FBRS: variants seen among roughly 807,000 people sequenced by gnomAD.
The protein encoded by FBRS is probable fibrosin-1.
In FBRS, 15 loss-of-function variants were observed where a neutral mutation model predicts 86.1. The ratio of observed to expected loss-of-function variants is 0.17; its 90% CI spans 0.12 to 0.27. The LOEUF (loss-of-function observed/expected upper bound fraction) is 0.27, where lower values mean the gene tolerates loss of function less well. Ranked by LOEUF, FBRS falls within the 10% of genes least tolerant of loss-of-function variation. FBRS has a pLI of 1.00. For synonymous variants in FBRS, 666 were observed against 575.8 expected (o/e 1.16, Z -2.24); for missense variants, 1,367 against 1,301.6 (o/e 1.05, Z -0.77).
intron 6 of FBRS, 63 bp from the exon 7 acceptor site, chr16:30,664,152 A>AC: frequency 8.0e-7 from 1 of 1,246,496 alleles, no homozygotes. Context: ...CAGGCTTCTG[A>AC]CCCCCTCCCG....
At position 30,659,842 on chromosome 16, in the gene FBRS, A is replaced by AGAGGAG. The variant is rs746156246; in HGVS notation, c.341_346dup (p.Glu114_Glu115dup). On this transcript the variant is annotated inframe_insertion, in exon 1 of 18. Transcript: ENST00000356166. ...CCGGCTCGGGCAGCCGCGGGGAGGA[A>AGAGGAG]GAGGAGGAGGAGGAGGAGGAGGGGG... is the stretch of plus-strand genomic sequence containing the variant. 30 of 1,517,902 alleles carry AGAGGAG rather than the reference A, an allele frequency of 2.0e-5. No homozygotes were observed. Among genetic ancestry groups the AGAGGAG allele is most frequent in the African/African-American group, 5.6e-5 (4 of 71,960 alleles). The allele number at this position is 1,517,902 out of a possible 1,614,324, so 94.0% of individuals were successfully genotyped here. A position where few individuals can be genotyped will look rare whatever the true frequency, so the allele number is the denominator to read the frequency against.
chr16:30,659,741 C>A lies in FBRS; in HGVS notation c.223C>A (p.Arg75=). The change falls in exon 1 of 18, where the codon CGG becomes AGG. Residue 75 remains arginine (R), a synonymous_variant. Coordinates refer to ENST00000356166, the MANE Select transcript of FBRS (RefSeq NM_001105079.3). ...RPWSSASSGE[R]PGGPRRRRPR... is the part of the protein sequence containing the mutation. Reference sequence around the variant, plus strand: ...TTGGTCGTCAGCTTCGTCTGGAGAGCGGCCTGGGGGCCCGAGACGCCGGCG... The same window carrying A: ...TTGGTCGTCAGCTTCGTCTGGAGAGAGGCCTGGGGGCCCGAGACGCCGGCG... 1 of 1,312,916 alleles carries A rather than the reference C, an allele frequency of 7.6e-7. No individual in the cohort carries two copies. Among genetic ancestry groups the A allele is most frequent in the Admixed American group, 2.4e-5 (1 of 40,908 alleles). 81.3% of individuals were successfully genotyped at this position (1,312,916 alleles called of 1,614,324 possible).
Position 30,664,767 on chromosome 16 carries a change from T to A in FBRS, c.1410T>A (p.Gly470=). 1 of 1,551,818 alleles carries A rather than the reference T, an allele frequency of 6.4e-7. No individual in the cohort carries two copies. The highest frequency in any genetic ancestry group is 8.7e-7 in the Non-Finnish European group (1 of 1,147,116). ...DLNSRYLNAQ[G]GPEVVGAGGS... is the part of the protein sequence containing the mutation. ...ACTCTCGCTACCTGAATGCCCAGGG[T>A]GGCCCTGAGGTGGTGGGGGCAGGGG... The change falls in exon 8 of 18, where the codon GGT becomes GGA. Residue 470 remains glycine (G), a synonymous_variant. Transcript: ENST00000356166.
chr16:30,667,408 C>A lies in FBRS; in HGVS notation c.1964C>A (p.Ser655Tyr). 6.5e-7 allele frequency: 1 copy of A among 1,549,604 alleles called. No homozygotes were observed. The highest frequency in any genetic ancestry group is 8.7e-7 in the Non-Finnish European group (1 of 1,145,708). The part of the protein sequence containing the change: ...YGALPPGQEL[S>Y]HPASLFTATG... ...GCCCTGCCCCCTGGGCAGGAGCTCT[C>A]CCACCCGGCCTCCCTCTTCACTGCG... The change falls in exon 14 of 18, where the codon TCC becomes TAC. Residue 655 changes from serine to tyrosine, a missense_variant. Coordinates refer to ENST00000356166, the MANE Select transcript of FBRS (RefSeq NM_001105079.3).
At position 30,659,820 on chromosome 16, in the gene FBRS, G is replaced by C. The variant is rs776450763; in HGVS notation, c.302G>C (p.Gly101Ala). The C allele has an allele frequency of 1.4e-5, 21 of 1,520,356 alleles. No homozygotes were observed. In the South Asian group the frequency reaches 2.0e-4, roughly 15 times the overall value. The allele number at this position is 1,520,356 out of a possible 1,614,324, so 94.2% of individuals were successfully genotyped here. ...CCCCGAGCTCGGAAGCGGCCTGCCG[G>C]CTCGGGCAGCCGCGGGGAGGAAGAG... is the stretch of plus-strand genomic sequence containing the variant. ...PRPRARKRPA[G>A]SGSRGEEEEE... is the part of the protein sequence containing the mutation. The change falls in exon 1 of 18, where the codon GGC (glycine) becomes GCC (alanine). Residue 101 changes from glycine (G) to alanine (A), a missense_variant. Physicochemically the swap from Gly to Ala is moderately conservative, Grantham distance 60. This residue lies in a region of FBRS where 702 missense variants were observed against 598.7 expected (regional missense o/e 1.17). Coordinates refer to ENST00000356166, the MANE Select transcript of FBRS (RefSeq NM_001105079.3).
At position 30,660,398 on chromosome 16, in the gene FBRS, G is replaced by T; in HGVS notation, c.595G>T (p.Gly199Trp). Residue 199 changes from glycine to tryptophan, a missense_variant, in exon 2 of 18, where the codon GGG (glycine) becomes TGG (tryptophan). This residue lies in a region of FBRS where 702 missense variants were observed against 598.7 expected (regional missense o/e 1.17). Transcript: ENST00000356166. ...SSDREPGRPP[G>W]DRARKWPNKR... ...TGATCGAGAGCCTGGCCGGCCCCCT[G>T]GGGATCGGGCCCGAAAATGGCCCAA... 7.9e-7 allele frequency: 1 copy of T among 1,261,714 alleles called. No individual in the cohort carries two copies. Among genetic ancestry groups the T allele is most frequent in the Non-Finnish European group, 1.0e-6 (1 of 994,182 alleles). 78.2% of individuals were successfully genotyped at this position (1,261,714 alleles called of 1,614,324 possible). A position where few individuals can be genotyped will look rare whatever the true frequency, so the allele number is the denominator to read the frequency against.
At position 30,669,993 on chromosome 16, in the gene FBRS, G is replaced by A; in HGVS notation, c.*348G>A. ...TCCCCAAGGGCTCACTAAGCCAGAG[G>A]CCAAAGTGCCCCCTCCCGTTCACCT... On this transcript the variant is annotated 3_prime_UTR_variant, in exon 18 of 18. Transcript: ENST00000356166. This position sits in a 1 kb window ranked among gnomAD's most constrained non-coding sequence, Gnocchi z 5.9. 7.7e-6 allele frequency: 4 copies of A among 518,892 alleles called. No homozygotes were observed. Among genetic ancestry groups the A allele is most frequent in the South Asian group, 6.8e-5 (4 of 58,470 alleles). 32.1% of individuals were successfully genotyped at this position (518,892 alleles called of 1,614,324 possible). A position where few individuals can be genotyped will look rare whatever the true frequency, so the allele number is the denominator to read the frequency against.
chr16:30,665,324 C>A lies in FBRS; in HGVS notation c.1627C>A (p.Pro543Thr), dbSNP rs1185949022. The change falls in exon 10 of 18, where the codon CCC becomes ACC. Residue 543 changes from proline to threonine, a missense_variant. This residue lies in a region of FBRS where 659 missense variants were observed against 678.8 expected (regional missense o/e 0.97). Coordinates refer to ENST00000356166, the MANE Select transcript of FBRS (RefSeq NM_001105079.3). This position sits in a 1 kb window ranked among gnomAD's most constrained non-coding sequence, Gnocchi z 4.1. The stretch of plus-strand genomic sequence containing the variant: ...TCCACAGCCGTACACGGCCTTCCCT[C>A]CCGCAGTGCCCGGGCTGCCTCCGGG... ...FRHNPYTAFPPAVPGLPPGLP... is the reference protein window; with the variant it reads ...FRHNPYTAFPTAVPGLPPGLP... The A allele has an allele frequency of 6.4e-7, 1 of 1,564,262 alleles. No homozygotes were observed. The highest frequency in any genetic ancestry group is 1.9e-5 in the Admixed American group (1 of 52,244).
At chr16:30,664,132 C>T (rs948931523) in intron 6 of FBRS, 83 bp from the exon 7 acceptor site, 12 of 1,287,038 alleles carry the variant, frequency 9.3e-6, no homozygotes, top group East Asian at 6.1e-5. Flanking sequence ...ACCAGGGTCA[C>T]GGTATCACCC....
chr16:30,664,705 C>T lies in FBRS; in HGVS notation c.1358-10C>T. On this transcript the variant is annotated splice_polypyrimidine_tract_variant and intron_variant, in intron 7 of 17. Transcript: ENST00000356166. Reference sequence around the variant, plus strand: ...ACAGCATTAAAGCCTTCTCCCGTCCCCTCCCACAGAGCAGGACCTGATCGG... The same window carrying T: ...ACAGCATTAAAGCCTTCTCCCGTCCTCTCCCACAGAGCAGGACCTGATCGG... 3.3e-6 allele frequency: 5 copies of T among 1,510,750 alleles called. No homozygotes were observed. The highest frequency in any genetic ancestry group is 2.5e-5 in the South Asian group (2 of 78,934). The allele number at this position is 1,510,750 out of a possible 1,614,324, so 93.6% of individuals were successfully genotyped here. A position where few individuals can be genotyped will look rare whatever the true frequency, so the allele number is the denominator to read the frequency against.
Position 30,659,686 on chromosome 16 carries a change from C to CTCG in FBRS, c.175_177dup (p.Ser59dup), listed in dbSNP as rs1172184285. Reference sequence around the variant, plus strand: ...TGGCCGCCCCGCGCGGCTCCTCGTCCTCGTCGTCGCCGCCGCCGCCCGCCA... The same window carrying CTCG: ...TGGCCGCCCCGCGCGGCTCCTCGTCCTCGTCGTCGTCGCCGCCGCCGCCCGCCA... On this transcript the variant is annotated inframe_insertion, in exon 1 of 18. Transcript: ENST00000356166. 9.5e-6 allele frequency: 8 copies of CTCG among 841,904 alleles called. No homozygotes were observed. Among genetic ancestry groups the CTCG allele is most frequent in the South Asian group, 8.5e-5 (5 of 58,952 alleles). 52.2% of individuals were successfully genotyped at this position (841,904 alleles called of 1,614,324 possible). A position where few individuals can be genotyped will look rare whatever the true frequency, so the allele number is the denominator to read the frequency against.
intron 2 of FBRS, chr16:30,660,669 T>A (rs770071647): frequency 7.8e-5 from 52 of 668,630 alleles, no homozygotes; most frequent in Non-Finnish European, 1.0e-4. Context: ...TTTTGATAAT[T>A]CAGAGAGGCG....
Position 30,659,775 on chromosome 16 carries a change from C to G in FBRS, c.257C>G (p.Pro86Arg). 2 of 1,474,060 alleles carry G rather than the reference C, an allele frequency of 1.4e-6. No homozygotes were observed. Among genetic ancestry groups the G allele is most frequent in the Non-Finnish European group, 9.0e-7 (1 of 1,112,136 alleles). The allele number at this position is 1,474,060 out of a possible 1,614,324, so 91.3% of individuals were successfully genotyped here. ...GGCCCGAGACGCCGGCGGCCCCGTC[C>G]GAGACCTCGACCCCCGCGACCCCGA... Reference protein sequence around the residue: ...PGGPRRRRPRPRPRPPRPRAR... With the variant: ...PGGPRRRRPRRRPRPPRPRAR... The change falls in exon 1 of 18, where the codon CCG (proline) becomes CGG (arginine). Residue 86 changes from proline to arginine, a missense_variant. Around this residue, in one of 3 missense-constraint regions of FBRS, gnomAD observed 702 missense variants for 598.7 expected, o/e 1.17. Coordinates refer to ENST00000356166, the MANE Select transcript of FBRS (RefSeq NM_001105079.3).
rs1253214434 is a variant in FBRS, at chr16:30,665,594, T to C, written c.1705-44T>C. 1.9e-6 allele frequency: 3 copies of C among 1,551,734 alleles called. No individual in the cohort carries two copies. Among genetic ancestry groups the C allele is most frequent in the Middle Eastern group, 1.7e-4 (1 of 5,968 alleles). ...GCTTGGTTCTGGATCCCTTTGTGCT[T>C]GGTGCCAGCTCTCCTGTCTGATCCC... On this transcript the variant is annotated intron_variant, in intron 10 of 17. Coordinates refer to ENST00000356166, the MANE Select transcript of FBRS (RefSeq NM_001105079.3). This position sits in a 1 kb window ranked among gnomAD's most constrained non-coding sequence, Gnocchi z 4.1.
chr16:30,665,180 G>A lies in FBRS; in HGVS notation c.1608+101G>A. On this transcript the variant is annotated intron_variant, in intron 9 of 17. Transcript: ENST00000356166. This position sits in a 1 kb window ranked among gnomAD's most constrained non-coding sequence, Gnocchi z 4.1. ...CTGGGGTCCAGTCTTCAGCACAAAAGCAAGAGCCTTGAGCCTGGGACAGCT... is the reference window on the plus strand; with the variant it reads ...CTGGGGTCCAGTCTTCAGCACAAAAACAAGAGCCTTGAGCCTGGGACAGCT... The A allele has an allele frequency of 6.5e-7, 1 of 1,537,510 alleles. No homozygotes were observed. Among genetic ancestry groups the A allele is most frequent in the East Asian group, 2.3e-5 (1 of 42,872 alleles).
rs1325568038 is a variant in FBRS, at chr16:30,662,461, C to T, written c.747C>T (p.Thr249=). The T allele has an allele frequency of 6.4e-7, 1 of 1,550,678 alleles. No individual in the cohort carries two copies. Among genetic ancestry groups the T allele is most frequent in the Admixed American group, 2.0e-5 (1 of 51,010 alleles). Residue 249 remains threonine (T), a synonymous_variant, in exon 5 of 18, where the codon ACC becomes ACT. Coordinates refer to ENST00000356166, the MANE Select transcript of FBRS (RefSeq NM_001105079.3). The part of the protein sequence containing the change: ...DDLDPSFTVS[T]SKASGPHGAF... ...TCGACCCATCCTTTACTGTCTCAAC[C>T]AGCAAAGGTTGGTCCCAAGGTCTGG...
intron 4 of FBRS, 187 bp from the exon 5 acceptor site, chr16:30,662,233 G>A (rs2052470667): frequency 1.2e-6 from 1 of 844,678 alleles, no homozygotes; most frequent in Non-Finnish European, 1.8e-6. Flanking sequence ...GGGGTCAGCT[G>A]CTCCACTCTG....
rs1055911092 is a variant in FBRS at position 30,662,574 on chromosome 16, G to T, written c.770G>T (p.Gly257Val). 2.5e-5 allele frequency: 39 copies of T among 1,542,580 alleles called. No individual in the cohort carries two copies. Among genetic ancestry groups the T allele is most frequent in the Non-Finnish European group, 3.3e-5 (38 of 1,141,398 alleles). ...TGCCCCACAGCCTCGGGCCCCCACG[G>T]CGCCTTCAATGGGAACTGTGAAGCA... ...VSTSKASGPHGAFNGNCEAKL... is the reference protein window; with the variant it reads ...VSTSKASGPHVAFNGNCEAKL... Residue 257 changes from glycine to valine, a missense_variant, in exon 6 of 18, where the codon GGC becomes GTC. Around this residue, in one of 3 missense-constraint regions of FBRS, gnomAD observed 702 missense variants for 598.7 expected, o/e 1.17. Coordinates refer to ENST00000356166, the MANE Select transcript of FBRS (RefSeq NM_001105079.3).
rs2052513252 is a variant in FBRS, at chr16:30,665,564, T to C, written c.1705-74T>C. 14 of 1,509,604 alleles carry C rather than the reference T, an allele frequency of 9.3e-6. No individual in the cohort carries two copies. In the Admixed American group the frequency reaches 9.8e-5, roughly 11 times the overall value. 93.5% of individuals were successfully genotyped at this position (1,509,604 alleles called of 1,614,324 possible). A position where few individuals can be genotyped will look rare whatever the true frequency, so the allele number is the denominator to read the frequency against. ...AGCCATGATCCCTCCCTGCCCAGTG[T>C]CCCAGCTTGGTTCTGGATCCCTTTG... On this transcript the variant is annotated intron_variant, in intron 10 of 17. Coordinates refer to ENST00000356166, the MANE Select transcript of FBRS (RefSeq NM_001105079.3). This position sits in a 1 kb window ranked among gnomAD's most constrained non-coding sequence, Gnocchi z 4.1.
Sources: gnomAD v4.1 joint callset for allele counts on GRCh38, gnomAD v4.1.1 for gene constraint, gnomAD v4.1.1 regional missense constraint, Gnocchi (gnomAD v3.1) non-coding constraint, MANE v1.5 for transcripts, NCBI Gene and HGNC (gene_info 2026-07-23, HGNC 2026-07-21) for gene names.